Variants in CAMK2A observed in about 807,000 individuals in gnomAD.
CAMK2A encodes calcium/calmodulin-dependent protein kinase type II subunit alpha.
In CAMK2A, 7 loss-of-function variants were observed where a neutral mutation model predicts 79.2. That is an observed-to-expected ratio of 0.09 (90% CI 0.05 to 0.17). The LOEUF (loss-of-function observed/expected upper bound fraction) is 0.17. Among genes scored for constraint, CAMK2A ranks in the 10% least tolerant of loss-of-function variants. CAMK2A has a pLI of 1.00. For missense variants in CAMK2A, 214 were observed against 646.4 expected, an observed-to-expected ratio of 0.33 and a Z score of 7.25; for synonymous variants, 242 against 251.7, an observed-to-expected ratio of 0.96 and a Z score of 0.36.
chr5:150,224,722 T>C (rs1026594519), intron 17 of CAMK2A, among the ~76,000 whole-genome samples: 3 of 151,946 alleles, frequency 2.0e-5, no homozygotes, highest in African/African-American at 7.3e-5. Context: ...TGAGAAGGGC[T>C]CTATAAGCGT....
chr5:150,244,854 C>T (rs1755492764), intron 13 of CAMK2A, among the ~76,000 whole-genome samples: 1 of 152,188 alleles, frequency 6.6e-6, no homozygotes, highest in Non-Finnish European at 1.5e-5. Context: ...GCTCTCCAGC[C>T]TCGGAGAACC....
chr5:150,269,045 C>T (rs943778852), intron 2 of CAMK2A, among the ~76,000 whole-genome samples: 10 of 152,082 alleles, frequency 6.6e-5, no homozygotes, highest in Non-Finnish European at 1.3e-4. Flanking sequence ...GGATTAAAGA[C>T]ATGAGCCACC....
intron 1 of CAMK2A, among the ~76,000 whole-genome samples, chr5:150,288,590 C>T (rs1007112637): frequency 1.3e-5 from 2 of 152,186 alleles, no homozygotes; most frequent in Non-Finnish European, 2.9e-5. Context: ...TACACACCTG[C>T]CTCCAGGGCC....
chr5:150,234,259 T>C (rs1562142081), intron 15 of CAMK2A, among the ~76,000 whole-genome samples: 1 of 152,160 alleles, frequency 6.6e-6, no homozygotes, highest in Non-Finnish European at 1.5e-5. Flanking sequence ...TCCAGGAGCC[T>C]GTGCTCAATG....
chr5:150,222,855 C>G (rs372152544), intron 18 of CAMK2A, 134 bp downstream of exon 18: 12 of 1,383,704 alleles, frequency 8.7e-6, no homozygotes, highest in Non-Finnish European at 1.2e-5. Flanking sequence ...GGCCTGGCCC[C>G]CTTCTTGGGG....
In CAMK2A at chr5:150,222,004, A is replaced by C. The variant is rs371373892; in HGVS notation, c.*706T>G. On this transcript the variant is annotated 3_prime_UTR_variant, in exon 19 of 19. Transcript: ENST00000671881. The stretch of plus-strand genomic sequence containing the variant: ...TAGATTCCCTCTCTGAGATACGACA[A>C]AGCTGGAATTCTCCAGGGATGACGG... The C allele has an allele frequency of 1.5e-4, 28 of 190,092 alleles. No individual in the cohort carries two copies. The East Asian group carries it at 1.8e-3, about 12-fold the overall frequency. 11.8% of individuals were successfully genotyped at this position (190,092 alleles called of 1,614,324 possible).
In CAMK2A at chr5:150,253,451, T is replaced by A. The variant is rs756990611; in HGVS notation, c.507A>T (p.Ala169=). The A allele has an allele frequency of 6.2e-7, 1 of 1,613,688 alleles. No individual in the cohort carries two copies. The stretch of plus-strand genomic sequence containing the variant: ...CCAGCCCACCCCACTTACCAAACCA[T>A]GCCTGCTGCTCCCCCTCCACCTCTA... ...LAIEVEGEQQ[A]WFGFAGTPGY... is the part of the protein sequence containing the mutation. The change falls in exon 7 of 19, where the codon GCA becomes GCT. Residue 169 remains alanine (A), a synonymous_variant. Transcript: ENST00000671881.
chr5:150,224,522 A>C (rs1342104376), intron 17 of CAMK2A, among the ~76,000 whole-genome samples: 1 of 152,054 alleles, frequency 6.6e-6, no homozygotes, highest in Non-Finnish European at 1.5e-5. Context: ...AATAACACCC[A>C]TCCCCTAATA....
chr5:150,223,893 C>T lies in CAMK2A; in HGVS notation c.1238-676G>A, dbSNP rs922977363. On this transcript the variant is annotated intron_variant, in intron 17 of 18. Transcript: ENST00000671881. This position sits in a 1 kb window ranked among gnomAD's most constrained non-coding sequence, Gnocchi z 4.1. ...AAGTGAAACATATCTACAGTTCAGA[C>T]ACGGCCCGTGGGCCTGTCTGAAGTA... Among the ~76,000 whole-genome samples, 7 of 152,254 alleles carry T rather than the reference C, an allele frequency of 4.6e-5. No individual in the cohort carries two copies. The highest frequency in any genetic ancestry group is 1.0e-4 in the Non-Finnish European group (7 of 68,048).
chr5:150,226,965 T>C (rs990423019), intron 17 of CAMK2A, among the ~76,000 whole-genome samples: 10 of 151,464 alleles, frequency 6.6e-5, no homozygotes, highest in Non-Finnish European at 1.5e-5. Context: ...AGAGATGGGG[T>C]TTCACCACAT....
chr5:150,289,398 C>G (rs1020152834), intron 1 of CAMK2A, among the ~76,000 whole-genome samples, 166 bp downstream of exon 1: 1 of 152,168 alleles, frequency 6.6e-6, no homozygotes, highest in Non-Finnish European at 1.5e-5. Flanking sequence ...TACCCACGCC[C>G]GACTCTGGAC....
chr5:150,287,445 C>T (rs1339101942), intron 1 of CAMK2A, among the ~76,000 whole-genome samples: 1 of 152,190 alleles, frequency 6.6e-6, no homozygotes, highest in Non-Finnish European at 1.5e-5. Flanking sequence ...ATGCCTGCTA[C>T]CCTCGGTTTT....
intron 6 of CAMK2A, among the ~76,000 whole-genome samples, chr5:150,253,816 G>A (rs997477631): frequency 4.6e-5 from 7 of 152,170 alleles, no homozygotes; most frequent in Admixed American, 2.0e-4. Context: ...TCTGGGGCTG[G>A]GCTGAGGTGA....
At chr5:150,242,384 C>T (rs1016901584) in intron 13 of CAMK2A, among the ~76,000 whole-genome samples, 1 of 152,148 alleles carries the variant, frequency 6.6e-6, no homozygotes, top group Non-Finnish European at 1.5e-5. Flanking sequence ...AAATTAGCCT[C>T]GAAAAGCCCT....
At chr5:150,225,755 ATTTT>A (rs10578842) in intron 17 of CAMK2A, among the ~76,000 whole-genome samples, 1 of 64,268 alleles carries the variant, frequency 1.6e-5, no homozygotes, top group Non-Finnish European at 2.8e-5. Flanking sequence ...TATTATTATT[ATTTT>A]TTTTAGATGG....
chr5:150,224,688 A>C (rs1242557459), intron 17 of CAMK2A, among the ~76,000 whole-genome samples: 1 of 152,020 alleles, frequency 6.6e-6, no homozygotes, highest in Non-Finnish European at 1.5e-5. Flanking sequence ...GTCAGAGGTC[A>C]CCCAGCAGCC....
Position 150,245,251 on chromosome 5 carries a change from G to A in CAMK2A, c.944-50C>T, listed in dbSNP as rs774810665. ...TTAACAACGCCAGGCAGGGCACCAGGGCCCACAGGGCGAGGACGAGCAGCA... is the reference window on the plus strand; with the variant it reads ...TTAACAACGCCAGGCAGGGCACCAGAGCCCACAGGGCGAGGACGAGCAGCA... On this transcript the variant is annotated intron_variant, in intron 12 of 18. Transcript: ENST00000671881. 3.2e-6 allele frequency: 5 copies of A among 1,578,914 alleles called. No homozygotes were observed. The African/African-American group carries it at 6.8e-5, about 21-fold the overall frequency.
intron 15 of CAMK2A, among the ~76,000 whole-genome samples, chr5:150,233,166 AGT>A (rs1438894504): frequency 1.3e-5 from 2 of 152,228 alleles, no homozygotes; most frequent in Non-Finnish European, 2.9e-5. Context: ...TGAATGAATA[AGT>A]GTACCAGGCC....
intron 1 of CAMK2A, among the ~76,000 whole-genome samples, chr5:150,282,472 G>A (rs563014862): frequency 1.2e-4 from 18 of 152,334 alleles, no homozygotes; most frequent in Non-Finnish European, 1.9e-4. Context: ...CTTACTCCTC[G>A]GTCTTTGATG....
Sources: gnomAD v4.1 joint callset for allele counts (sites outside exome capture counted in the v4.1 genomes callset) on GRCh38, gnomAD v4.1.1 for gene constraint, Gnocchi (gnomAD v3.1) non-coding constraint, MANE v1.5 for transcripts, NCBI Gene and HGNC (gene_info 2026-07-23, HGNC 2026-07-21) for gene names.